Variants in NTM observed in about 807,000 individuals in gnomAD.
NTM encodes the protein IgLON family member 2.
In NTM, 13 loss-of-function variants were observed where a neutral mutation model predicts 42.1. The ratio of observed to expected loss-of-function variants is 0.31; its 90% CI spans 0.20 to 0.49. The LOEUF is 0.49. Among genes scored for constraint, NTM ranks in the 20% least tolerant of loss-of-function variants. NTM has a pLI of 0.99. For synonymous variants in NTM, 187 were observed against 179.2 expected, an observed-to-expected ratio of 1.04 and a Z score of -0.35; for missense variants, 373 against 452.8, an observed-to-expected ratio of 0.82 and a Z score of 1.60.
At chr11:131,402,369 C>A (rs1565466142) in intron 1 of NTM, among the ~76,000 whole-genome samples, 1 of 147,196 alleles carries the variant, frequency 6.8e-6, no homozygotes, top group Non-Finnish European at 1.5e-5. Context: ...AATTGCTTAT[C>A]TCCCCAAGAA....
At chr11:131,853,211 C>T (rs2045765457) in intron 1 of NTM, among the ~76,000 whole-genome samples, 1 of 151,966 alleles carries the variant, frequency 6.6e-6, no homozygotes, top group Admixed American at 6.6e-5. Flanking sequence ...AGTCTGAGCA[C>T]CATAAGCAGA....
At chr11:132,015,107 A>T (rs766626002) in intron 2 of NTM, among the ~76,000 whole-genome samples, 1 of 151,996 alleles carries the variant, frequency 6.6e-6, no homozygotes, top group Non-Finnish European at 1.5e-5. Context: ...TCTTCTGCAT[A>T]GGAATATCCA....
At chr11:131,830,644 C>T (rs529961311) in intron 1 of NTM, among the ~76,000 whole-genome samples, 1 of 152,208 alleles carries the variant, frequency 6.6e-6, no homozygotes, top group East Asian at 1.9e-4. Context: ...ATTGCTTTGG[C>T]TATTTGGGCT....
At chr11:131,567,338 T>C (rs1223800824) in intron 1 of NTM, among the ~76,000 whole-genome samples, 1 of 151,978 alleles carries the variant, frequency 6.6e-6, no homozygotes, top group Non-Finnish European at 1.5e-5. Flanking sequence ...AATACAAAAA[T>C]TAGCCGGGCG....
chr11:131,842,529 A>G (rs1049564806), intron 1 of NTM, among the ~76,000 whole-genome samples: 1 of 151,896 alleles, frequency 6.6e-6, no homozygotes, highest in African/African-American at 2.4e-5. Flanking sequence ...AAATCTGCTG[A>G]CTCCTGAAGG....
At position 131,916,106 on chromosome 11, in the gene NTM, G is replaced by A. The variant is rs371505382; in HGVS notation, c.167+4458G>A. ...ACACCATGAAAACGTGGGCGATCAC[G>A]CTGTCCGTGGCTGGAGCAGAGCCCC... On this transcript the variant is annotated intron_variant, in intron 2 of 8. Transcript: ENST00000683400. Among the ~76,000 whole-genome samples the A allele has an allele frequency of 3.9e-5, 6 of 152,204 alleles. No individual in the cohort carries two copies. In the South Asian group the frequency reaches 8.3e-4, roughly 21 times the overall value.
At chr11:132,061,590 A>T (rs760937253) in intron 2 of NTM, among the ~76,000 whole-genome samples, 1 of 152,240 alleles carries the variant, frequency 6.6e-6, no homozygotes, top group Non-Finnish European at 1.5e-5. Context: ...GGGATAATGC[A>T]TGGTGATCTA....
chr11:131,735,876 A>G (rs369726378), intron 1 of NTM, among the ~76,000 whole-genome samples: 14 of 137,606 alleles, frequency 1.0e-4, no homozygotes, highest in Admixed American at 1.4e-4. Context: ...GTGTGTGTGT[A>G]TAAAAAAATA....
At chr11:131,734,614 C>A (rs2080175029) in intron 1 of NTM, among the ~76,000 whole-genome samples, 1 of 152,166 alleles carries the variant, frequency 6.6e-6, no homozygotes, top group South Asian at 2.1e-4. Flanking sequence ...TCCCTGTGCT[C>A]GTATCGCCCT....
chr11:131,889,206 C>A (rs1293732542), intron 1 of NTM, among the ~76,000 whole-genome samples: 2 of 152,212 alleles, frequency 1.3e-5, no homozygotes, highest in Non-Finnish European at 2.9e-5. Flanking sequence ...AGCAAGCAGG[C>A]CTGGAGTTTC....
rs530948497 is a variant in NTM at position 131,684,714 on chromosome 11, C to T, written c.83-226850C>T. The stretch of plus-strand genomic sequence containing the variant: ...GAGAAGCCTCCTTTCCCTAACATTC[C>T]TGCATTCCTAGAGAGCAGAGGGCCT... On this transcript the variant is annotated intron_variant, in intron 1 of 8. Transcript: ENST00000683400. Among the ~76,000 whole-genome samples the T allele has an allele frequency of 3.3e-5, 5 of 152,352 alleles. No individual in the cohort carries two copies. In the East Asian group the frequency reaches 9.7e-4, roughly 29 times the overall value.
At chr11:132,158,086 GT>G (rs1566327694) in intron 3 of NTM, among the ~76,000 whole-genome samples, 1 of 152,166 alleles carries the variant, frequency 6.6e-6, no homozygotes, top group African/African-American at 2.4e-5. Context: ...TGCAGGCTTC[GT>G]TGTTCCTGAT....
chr11:132,074,308 T>C (rs544550976), intron 2 of NTM, among the ~76,000 whole-genome samples: 1 of 152,294 alleles, frequency 6.6e-6, no homozygotes, highest in East Asian at 1.9e-4. Flanking sequence ...ATCACCATTC[T>C]TGTGGGGACT....
Position 132,317,808 on chromosome 11 carries a change from G to A in NTM, c.934+3105G>A. 2.9e-5 allele frequency: 14 copies of A among 481,002 alleles called. 1 individual carries two copies. Among genetic ancestry groups the A allele is most frequent in the Middle Eastern group, 3.5e-4 (1 of 2,848 alleles). 29.8% of individuals were successfully genotyped at this position (481,002 alleles called of 1,614,324 possible). On this transcript the variant is annotated intron_variant, in intron 7 of 8. Transcript: ENST00000683400. Reference sequence around the variant, plus strand: ...GTAAAGTGTCTTAGAGGATGTGGAAGGCTATTGAAGGAGGTGATTGATTGG... The same window carrying A: ...GTAAAGTGTCTTAGAGGATGTGGAAAGCTATTGAAGGAGGTGATTGATTGG...
intron 1 of NTM, among the ~76,000 whole-genome samples, chr11:131,481,949 G>A (rs1244203292): frequency 6.6e-6 from 1 of 152,192 alleles, no homozygotes; most frequent in African/African-American, 2.4e-5. Flanking sequence ...GGGAACCAAT[G>A]ATGAGGGCAT....
chr11:131,388,156 C>T (rs1381833165), intron 1 of NTM, among the ~76,000 whole-genome samples: 1 of 152,180 alleles, frequency 6.6e-6, no homozygotes, highest in East Asian at 1.9e-4. Flanking sequence ...GACCCTGCCT[C>T]CTGGGAGGGG....
intron 1 of NTM, among the ~76,000 whole-genome samples, chr11:131,458,576 T>C (rs1233401192): frequency 6.6e-6 from 1 of 152,224 alleles, no homozygotes; most frequent in Non-Finnish European, 1.5e-5. Flanking sequence ...TTTCATGACG[T>C]GTGTTACTGT....
intron 2 of NTM, among the ~76,000 whole-genome samples, chr11:132,014,124 A>G (rs1342005510): frequency 6.6e-6 from 1 of 152,018 alleles, no homozygotes; most frequent in Non-Finnish European, 1.5e-5. Flanking sequence ...TGGCTCCCAC[A>G]TATGTGTGAG....
At chr11:132,244,287 C>G (rs895182435) in intron 4 of NTM, among the ~76,000 whole-genome samples, 2 of 152,176 alleles carry the variant, frequency 1.3e-5, no homozygotes, top group African/African-American at 4.8e-5. Flanking sequence ...TAATGCAACC[C>G]CTGGAAGAAT....
Sources: allele counts gnomAD v4.1 joint callset (sites outside exome capture counted in the v4.1 genomes callset), GRCh38; gene constraint gnomAD v4.1.1; transcripts MANE v1.5; gene names NCBI Gene and HGNC (gene_info 2026-07-23, HGNC 2026-07-21).